The following SPIN1 variants were observed in gnomAD, a reference collection of about 807,000 sequenced individuals.
SPIN1 encodes spindlin-1.
Under a neutral mutation model 26.0 loss-of-function variants are expected in SPIN1, and 3 were observed. That is an observed-to-expected ratio of 0.12 (90% CI 0.05 to 0.30). SPIN1 has a LOEUF of 0.30. Ranked by LOEUF, SPIN1 falls within the 10% of genes least tolerant of loss-of-function variation. The pLI, the probability that SPIN1 is intolerant of heterozygous loss-of-function variation, is 1.00. For missense variants in SPIN1, 126 were observed against 333.4 expected, an observed-to-expected ratio of 0.38 and a Z score of 4.84; for synonymous variants, 101 against 116.5, an observed-to-expected ratio of 0.87 and a Z score of 0.86.
intron 1 of SPIN1, among the ~76,000 whole-genome samples, chr9:88,393,445 G>GGTTTT (rs1826976752): frequency 2.3e-5 from 2 of 88,430 alleles, no homozygotes; most frequent in African/African-American, 1.1e-4. Flanking sequence ...TTGCTTTTGG[G>GGTTTT]TTTTTTTTTT....
intron 1 of SPIN1, chr9:88,411,400 C>G (rs1196609189): frequency 1.3e-6 from 2 of 1,595,056 alleles, no homozygotes; most frequent in South Asian, 1.1e-5. Flanking sequence ...TTTCAAAGCT[C>G]AACCCTCCAA....
At chr9:88,445,118 G>T (rs1030279410) in intron 2 of SPIN1, among the ~76,000 whole-genome samples, 5 of 152,244 alleles carry the variant, frequency 3.3e-5, no homozygotes, top group African/African-American at 4.8e-5. Flanking sequence ...AGTACATCCA[G>T]TGTGGGGTTG....
At chr9:88,464,859 A>T (rs10868782) in intron 4 of SPIN1, among the ~76,000 whole-genome samples, 29,214 of 152,126 alleles carry the variant, frequency 0.19, 3,701 homozygotes, top group African/African-American at 0.36. Context: ...CTCCAGAACT[A>T]CTTCATCTTA....
chr9:88,468,887 A>G (rs901931421), intron 5 of SPIN1, among the ~76,000 whole-genome samples: 2 of 152,204 alleles, frequency 1.3e-5, no homozygotes, highest in African/African-American at 4.8e-5. Context: ...ATTTAAAAAC[A>G]TGATGGAATA....
chr9:88,421,554 C>T (rs973299386), intron 1 of SPIN1, among the ~76,000 whole-genome samples: 2 of 152,166 alleles, frequency 1.3e-5, no homozygotes, highest in African/African-American at 2.4e-5. Flanking sequence ...ATTAGGATTA[C>T]AGGCATGAGC....
chr9:88,426,128 T>C (rs187914731), intron 1 of SPIN1, among the ~76,000 whole-genome samples: 1 of 152,330 alleles, frequency 6.6e-6, no homozygotes, highest in East Asian at 1.9e-4. Flanking sequence ...GTGTTCCAGT[T>C]GATCTTGGAA....
chr9:88,448,078 C>CT (rs1471008733), intron 2 of SPIN1, among the ~76,000 whole-genome samples: 1 of 149,920 alleles, frequency 6.7e-6, no homozygotes, highest in Non-Finnish European at 1.5e-5. Context: ...GTGTCTCACT[C>CT]TGTTGCCCAG....
chr9:88,466,357 T>C (rs1478708876), intron 4 of SPIN1, among the ~76,000 whole-genome samples: 1 of 152,086 alleles, frequency 6.6e-6, no homozygotes, highest in Non-Finnish European at 1.5e-5. Flanking sequence ...GAGATCTCAT[T>C]ATGTTGCCCA....
chr9:88,390,856 T>A (rs7855707), intron 1 of SPIN1, among the ~76,000 whole-genome samples: 3,997 of 152,134 alleles, frequency 0.026, 172 homozygotes, highest in African/African-American at 0.091. Flanking sequence ...TAAAAAAAGT[T>A]TTTTTTTAAA....
chr9:88,436,197 G>A (rs1335477698), intron 2 of SPIN1, among the ~76,000 whole-genome samples: 1 of 152,148 alleles, frequency 6.6e-6, no homozygotes, highest in African/African-American at 2.4e-5. Context: ...AGCCACCCGA[G>A]TAGCTGGGAC....
intron 2 of SPIN1, among the ~76,000 whole-genome samples, chr9:88,439,684 G>A (rs557153006): frequency 1.3e-5 from 2 of 152,060 alleles, no homozygotes; most frequent in Non-Finnish European, 2.9e-5. Context: ...TACACATTAA[G>A]GATTGTTTTG....
chr9:88,422,714 CTTTTTTT>C (rs111780596), intron 1 of SPIN1, among the ~76,000 whole-genome samples: 1 of 144,672 alleles, frequency 6.9e-6, no homozygotes, highest in Non-Finnish European at 1.5e-5. Flanking sequence ...ACTCTTTTTT[CTTTTTTT>C]TTTTTGAAAT....
intron 3 of SPIN1, among the ~76,000 whole-genome samples, chr9:88,452,619 A>G (rs1015055977): frequency 5.3e-5 from 8 of 152,228 alleles, no homozygotes; most frequent in African/African-American, 1.9e-4. Context: ...CAAAGTGCGC[A>G]GTGTGTAGAC....
At chr9:88,455,851 C>A (rs185851206) in intron 3 of SPIN1, among the ~76,000 whole-genome samples, 1 of 151,752 alleles carries the variant, frequency 6.6e-6, no homozygotes, top group African/African-American at 2.4e-5. Context: ...GTGGCAGGCA[C>A]CCTTACGTAG....
intron 2 of SPIN1, among the ~76,000 whole-genome samples, chr9:88,434,604 TGG>T (rs1827962323): frequency 6.6e-6 from 1 of 152,082 alleles, no homozygotes; most frequent in African/African-American, 2.4e-5. Flanking sequence ...CTTAACAATG[TGG>T]GTTAAGCAGT....
chr9:88,434,565 A>T (rs897483293), intron 2 of SPIN1, among the ~76,000 whole-genome samples: 4 of 152,116 alleles, frequency 2.6e-5, no homozygotes, highest in Non-Finnish European at 5.9e-5. Flanking sequence ...TATCCAGTTA[A>T]TGTGTACCCA....
chr9:88,473,127 T>C (rs1401701443), intron 5 of SPIN1, among the ~76,000 whole-genome samples: 1 of 152,334 alleles, frequency 6.6e-6, no homozygotes, highest in East Asian at 1.9e-4. Context: ...GCATGGTGGC[T>C]CACGCCTGTA....
intron 1 of SPIN1, chr9:88,411,001 G>A (rs1282243669): frequency 1.3e-5 from 20 of 1,540,514 alleles, no homozygotes; most frequent in Middle Eastern, 2.3e-4. Flanking sequence ...AGTTGTGGTC[G>A]TCAAAGGTTA....
rs767485798 is a variant in SPIN1 at position 88,468,583 on chromosome 9, C to T, written c.567C>T (p.Asp189=). The change falls in exon 5 of 6, where the codon GAC becomes GAT. Residue 189 remains aspartate (D), a synonymous_variant. Coordinates refer to ENST00000375859, the MANE Select transcript of SPIN1 (RefSeq NM_006717.3). ...YQLLDDYKEG[D]LRIMPDSNDS... ...TCTTAGATGATTACAAAGAAGGCGA[C>T]CTTCGCATTATGCCTGATTCCAGTA... The T allele has an allele frequency of 1.9e-6, 3 of 1,563,732 alleles. No individual in the cohort carries two copies. The highest frequency in any genetic ancestry group is 2.6e-6 in the Non-Finnish European group (3 of 1,156,156).
Sources: gnomAD v4.1 joint callset for allele counts (sites outside exome capture counted in the v4.1 genomes callset) on GRCh38, gnomAD v4.1.1 for gene constraint, MANE v1.5 for transcripts, NCBI Gene and HGNC (gene_info 2026-07-23, HGNC 2026-07-21) for gene names.